GPC6: variants seen among roughly 807,000 people sequenced by gnomAD.
GPC6 encodes the protein glypican 6.
In GPC6, 14 loss-of-function variants were observed where a neutral mutation model predicts 55.2. The ratio of observed to expected loss-of-function variants is 0.25; its 90% CI spans 0.17 to 0.40. The LOEUF (loss-of-function observed/expected upper bound fraction) is 0.40, where lower values mean the gene tolerates loss of function less well. GPC6 is among the 10% of genes least tolerant of loss of function. GPC6 has a pLI of 1.00. For missense variants in GPC6, 641 were observed against 708.5 expected, an observed-to-expected ratio of 0.90 and a Z score of 1.08; for synonymous variants, 278 against 259.6, an observed-to-expected ratio of 1.07 and a Z score of -0.68.
chr13:93,383,355 G>A (rs1025758029), intron 1 of GPC6, among the ~76,000 whole-genome samples: 2 of 152,122 alleles, frequency 1.3e-5, no homozygotes, highest in Non-Finnish European at 2.9e-5. Flanking sequence ...GGGACAGCAG[G>A]TGTGCACCAC....
chr13:94,102,188 G>C (rs1353524098), intron 4 of GPC6, among the ~76,000 whole-genome samples: 3 of 151,958 alleles, frequency 2.0e-5, no homozygotes, highest in Admixed American at 2.0e-4. Flanking sequence ...TTTCTTTTCT[G>C]GTAATTTTAA....
intron 4 of GPC6, among the ~76,000 whole-genome samples, chr13:94,217,280 G>A (rs1233193356): frequency 6.6e-6 from 1 of 152,144 alleles, no homozygotes; most frequent in Non-Finnish European, 1.5e-5. Context: ...CAACACTTTT[G>A]TAAACATGAG....
intron 2 of GPC6, among the ~76,000 whole-genome samples, chr13:93,631,918 C>T (rs1414508287): frequency 1.3e-5 from 2 of 152,138 alleles, no homozygotes; most frequent in Non-Finnish European, 2.9e-5. Flanking sequence ...CTTGGGTAAA[C>T]ATCATCAGCA....
intron 4 of GPC6, among the ~76,000 whole-genome samples, chr13:94,218,494 G>A (rs1200646229): frequency 2.0e-5 from 3 of 152,148 alleles, no homozygotes; most frequent in Admixed American, 6.6e-5. Context: ...AGTGCACCCC[G>A]TTATTCTGCA....
intron 1 of GPC6, among the ~76,000 whole-genome samples, chr13:93,312,300 G>A (rs1879100236): frequency 6.6e-6 from 1 of 152,088 alleles, no homozygotes; most frequent in South Asian, 2.1e-4. Context: ...TGAGAACAGG[G>A]TACACTTATG....
intron 6 of GPC6, among the ~76,000 whole-genome samples, chr13:94,354,247 G>A (rs1878684318): frequency 6.6e-6 from 1 of 151,470 alleles, no homozygotes; most frequent in South Asian, 2.1e-4. Flanking sequence ...GATTTTTTCT[G>A]AAAATTATGG....
rs138694876 is a variant in GPC6, at chr13:94,400,901, G to C, written c.1466-2114G>C. 3.8e-3 allele frequency among the ~76,000 whole-genome samples: 586 copies of C among 152,266 alleles called. 3 individuals carry two copies. Among genetic ancestry groups the C allele is most frequent in the African/African-American group, 0.013 (551 of 41,556 alleles). ...TAGATGTTATTACTCTCATTTTTACGGGTGAGGAAACGGAGCCTCAGTAAG... is the reference window on the plus strand; with the variant it reads ...TAGATGTTATTACTCTCATTTTTACCGGTGAGGAAACGGAGCCTCAGTAAG... On this transcript the variant is annotated intron_variant, in intron 8 of 8. Transcript: ENST00000377047.
intron 1 of GPC6, among the ~76,000 whole-genome samples, chr13:93,525,528 G>T (rs1487014575): frequency 6.6e-6 from 1 of 151,996 alleles, no homozygotes; most frequent in Non-Finnish European, 1.5e-5. Context: ...CTTATTTCTG[G>T]GAATTTCTCC....
intron 6 of GPC6, among the ~76,000 whole-genome samples, chr13:94,307,064 C>T (rs1875981468): frequency 1.3e-5 from 2 of 152,144 alleles, no homozygotes; most frequent in African/African-American, 4.8e-5. Flanking sequence ...TAGTTAATAT[C>T]CTTCTATAGT....
At chr13:93,219,563 G>A in the GPC6 span, among the ~76,000 whole-genome samples, 1 of 152,080 alleles carries the variant, frequency 6.6e-6, no homozygotes, top group Admixed American at 6.6e-5. Context: ...AGATTAAGCA[G>A]ACAATCCATT....
At chr13:93,849,990 T>C (rs1888338589) in intron 3 of GPC6, among the ~76,000 whole-genome samples, 1 of 152,130 alleles carries the variant, frequency 6.6e-6, no homozygotes, top group African/African-American at 2.4e-5. Flanking sequence ...CTGACTTCTG[T>C]AATTAAAATA....
intron 2 of GPC6, among the ~76,000 whole-genome samples, chr13:93,673,256 G>A (rs1467680061): frequency 6.6e-6 from 1 of 152,056 alleles, no homozygotes; most frequent in African/African-American, 2.4e-5. Flanking sequence ...AAGGAGAGTG[G>A]GAGAGTTTGA....
At chr13:94,135,285 A>G in intron 4 of GPC6, among the ~76,000 whole-genome samples, 1 of 151,438 alleles carries the variant, frequency 6.6e-6, no homozygotes. Context: ...GGCAGACTGA[A>G]TTAATTATAT....
chr13:93,296,469 G>A (rs1431794287), intron 1 of GPC6, among the ~76,000 whole-genome samples: 2 of 152,100 alleles, frequency 1.3e-5, no homozygotes, highest in Non-Finnish European at 1.5e-5. Flanking sequence ...GATTAAACTC[G>A]TAATTACTCA....
intron 1 of GPC6, among the ~76,000 whole-genome samples, chr13:93,354,946 C>A (rs142805825): frequency 6.6e-6 from 1 of 152,088 alleles, no homozygotes; most frequent in Non-Finnish European, 1.5e-5. Context: ...TTAATGATAA[C>A]CCTTTTATAT....
At chr13:93,574,141 T>C (rs1876547309) in intron 2 of GPC6, among the ~76,000 whole-genome samples, 1 of 152,158 alleles carries the variant, frequency 6.6e-6, no homozygotes, top group African/African-American at 2.4e-5. Context: ...AGAGGCTGAA[T>C]TGTGTCTCCC....
chr13:94,043,635 A>G (rs1271951525), intron 4 of GPC6, among the ~76,000 whole-genome samples: 17 of 151,846 alleles, frequency 1.1e-4, no homozygotes, highest in Admixed American at 6.6e-5. Context: ...CACAAAGTTC[A>G]TTCTAGCCTT....
At chr13:93,506,894 C>A (rs1485749998) in intron 1 of GPC6, among the ~76,000 whole-genome samples, 11 of 123,090 alleles carry the variant, frequency 8.9e-5, no homozygotes, top group East Asian at 2.3e-4. Flanking sequence ...AAAGAAAATA[C>A]AAAAAAAAAA....
chr13:94,336,545 T>G (rs555466856), intron 6 of GPC6, among the ~76,000 whole-genome samples: 2 of 152,308 alleles, frequency 1.3e-5, no homozygotes, highest in East Asian at 3.9e-4. Flanking sequence ...CTGTAAAATA[T>G]CTGCACGTCG....
Sources: gnomAD v4.1 joint callset for allele counts (sites outside exome capture counted in the v4.1 genomes callset) on GRCh38, gnomAD v4.1.1 for gene constraint, MANE v1.5 for transcripts, NCBI Gene and HGNC (gene_info 2026-07-23, HGNC 2026-07-21) for gene names.